STMN2: variants seen among roughly 807,000 people sequenced by gnomAD.
The protein encoded by STMN2 is stathmin 2.
STMN2 carries 2 observed loss-of-function variants against 24.1 expected under a neutral mutation model. That is an observed-to-expected ratio of 0.08 (90% CI 0.03 to 0.26). The LOEUF is 0.26. STMN2 is among the 10% of genes least tolerant of loss of function. The pLI, the probability that STMN2 is intolerant of heterozygous loss-of-function variation, is 1.00. For synonymous variants in STMN2, 83 were observed against 77.5 expected, an observed-to-expected ratio of 1.07 and a Z score of -0.37; for missense variants, 114 against 213.6, an observed-to-expected ratio of 0.53 and a Z score of 2.91.
Position 79,666,007 on chromosome 8 carries a change from A to G in STMN2, c.*1133A>G, listed in dbSNP as rs1333025782. On this transcript the variant is annotated 3_prime_UTR_variant, in exon 5 of 5. Coordinates refer to ENST00000220876, the MANE Select transcript of STMN2 (RefSeq NM_007029.4). Reference sequence around the variant, plus strand: ...AACTAAGAATCACCAGATACCCACCATAAGTACCTATCGCAGTTTTGAAGT... The same window carrying G: ...AACTAAGAATCACCAGATACCCACCGTAAGTACCTATCGCAGTTTTGAAGT... The G allele has an allele frequency of 2.6e-5, 4 of 152,226 alleles. No homozygotes were observed. Among genetic ancestry groups the G allele is most frequent in the East Asian group, 3.8e-4 (2 of 5,198 alleles). 9.4% of individuals were successfully genotyped at this position (152,226 alleles called of 1,614,324 possible).
intron 4 of STMN2, among the ~76,000 whole-genome samples, chr8:79,662,871 G>A (rs1806529767): frequency 6.6e-6 from 1 of 151,896 alleles, no homozygotes; most frequent in Non-Finnish European, 1.5e-5. Flanking sequence ...CTCAATTTTT[G>A]CCAGAGCTCA....
chr8:79,635,771 A>G (rs1160042389), intron 1 of STMN2, among the ~76,000 whole-genome samples: 1 of 152,142 alleles, frequency 6.6e-6, no homozygotes, highest in African/African-American at 2.4e-5. Context: ...GGAAGGAGAG[A>G]GGTTTGTAAA....
At chr8:79,628,167 T>C (rs1319500998) in intron 1 of STMN2, among the ~76,000 whole-genome samples, 2 of 151,978 alleles carry the variant, frequency 1.3e-5, no homozygotes, top group African/African-American at 4.8e-5. Context: ...TTTTATTTTT[T>C]ATTTTTTTTA....
At chr8:79,664,722 A>C in intron 4 of STMN2, 93 bp from the exon 5 acceptor site, 1 of 1,218,574 alleles carries the variant, frequency 8.2e-7, no homozygotes, top group East Asian at 2.8e-5. Flanking sequence ...AAAAGTAGAC[A>C]CCAAACTGGG....
chr8:79,632,845 C>G (rs1043585354), intron 1 of STMN2, among the ~76,000 whole-genome samples: 5 of 152,058 alleles, frequency 3.3e-5, no homozygotes, highest in African/African-American at 1.2e-4. Context: ...TAAATAACAA[C>G]AAAATGATAA....
chr8:79,618,151 T>C (rs1809426685), intron 1 of STMN2, among the ~76,000 whole-genome samples: 3 of 152,348 alleles, frequency 2.0e-5, no homozygotes, highest in Admixed American at 2.0e-4. Flanking sequence ...CCAGAGATGG[T>C]CTTCTCCTTT....
At chr8:79,614,882 A>C (rs1809347511) in intron 1 of STMN2, among the ~76,000 whole-genome samples, 1 of 152,212 alleles carries the variant, frequency 6.6e-6, no homozygotes, top group Non-Finnish European at 1.5e-5. Flanking sequence ...TTACTAATGG[A>C]TAGATGGTGG....
intron 3 of STMN2, among the ~76,000 whole-genome samples, chr8:79,648,024 C>T (rs1810253064): frequency 6.6e-6 from 1 of 152,230 alleles, no homozygotes; most frequent in Non-Finnish European, 1.5e-5. Flanking sequence ...AATTATTTCT[C>T]TTTACTCTCA....
intron 1 of STMN2, among the ~76,000 whole-genome samples, chr8:79,632,051 A>G (rs1809813282): frequency 6.6e-6 from 1 of 152,194 alleles, no homozygotes; most frequent in Non-Finnish European, 1.5e-5. Flanking sequence ...ATCCATTAGC[A>G]GAGAACCCTA....
intron 3 of STMN2, among the ~76,000 whole-genome samples, 174 bp downstream of exon 3, chr8:79,641,724 T>G (rs1393525380): frequency 6.6e-6 from 1 of 151,752 alleles, no homozygotes. Flanking sequence ...GTATAGGTTT[T>G]CAGTAGACAC....
intron 1 of STMN2, among the ~76,000 whole-genome samples, chr8:79,613,159 C>T (rs564328468): frequency 1.3e-5 from 2 of 152,224 alleles, no homozygotes; most frequent in South Asian, 2.1e-4. Flanking sequence ...AGCCCAAGCC[C>T]CCCGCCCACC....
chr8:79,641,797 G>A (rs1294011409), intron 3 of STMN2, among the ~76,000 whole-genome samples: 5 of 152,036 alleles, frequency 3.3e-5, no homozygotes, highest in Non-Finnish European at 1.5e-5. Context: ...AGCCAAACCA[G>A]AGCTCTCAGA....
At chr8:79,649,789 T>C (rs1293856435) in intron 3 of STMN2, among the ~76,000 whole-genome samples, 1 of 152,222 alleles carries the variant, frequency 6.6e-6, no homozygotes, top group Non-Finnish European at 1.5e-5. Flanking sequence ...GAGTTTTATG[T>C]ACTAGTTACT....
intron 1 of STMN2, among the ~76,000 whole-genome samples, chr8:79,624,729 T>C (rs1809612152): frequency 6.6e-6 from 1 of 152,114 alleles, no homozygotes; most frequent in Non-Finnish European, 1.5e-5. Flanking sequence ...TCAAGAAGGA[T>C]TTCTCAAATT....
rs188786411 is a variant in STMN2 at position 79,646,278 on chromosome 8, C to T, written c.288+4728C>T. On this transcript the variant is annotated intron_variant, in intron 3 of 4. Coordinates refer to ENST00000220876, the MANE Select transcript of STMN2 (RefSeq NM_007029.4). ...TATTTGGCAGGCCCTGTTCTAGACA[C>T]AGGGGATACTCATCAAACTTACATT... Among the ~76,000 whole-genome samples, 9 of 152,008 alleles carry T rather than the reference C, an allele frequency of 5.9e-5. No individual in the cohort carries two copies. The East Asian group carries it at 1.4e-3, about 23-fold the overall frequency.
chr8:79,665,319 A>C lies in STMN2; in HGVS notation c.*445A>C, dbSNP rs1416503003. ...ACCCACCATTGCCTAATGACCTAGA[A>C]GGCTTTGTTGTCTCTGAGCTTGACT... is the stretch of plus-strand genomic sequence containing the variant. On this transcript the variant is annotated 3_prime_UTR_variant, in exon 5 of 5. Transcript: ENST00000220876. 6.5e-6 allele frequency: 1 copy of C among 155,002 alleles called. No homozygotes were observed. Among genetic ancestry groups the C allele is most frequent in the East Asian group, 1.9e-4 (1 of 5,222 alleles). 9.6% of individuals were successfully genotyped at this position (155,002 alleles called of 1,614,324 possible). A position where few individuals can be genotyped will look rare whatever the true frequency, so the allele number is the denominator to read the frequency against.
intron 1 of STMN2, chr8:79,631,344 C>A: frequency 1.4e-6 from 1 of 721,024 alleles, no homozygotes; most frequent in Non-Finnish European, 1.7e-6. Flanking sequence ...GATATCCATT[C>A]CCATAGAAAA....
At chr8:79,624,496 A>G (rs1307675455) in intron 1 of STMN2, among the ~76,000 whole-genome samples, 1 of 151,502 alleles carries the variant, frequency 6.6e-6, no homozygotes, top group Non-Finnish European at 1.5e-5. Flanking sequence ...AGAAAGAAGG[A>G]AAAAAGTCAC....
intron 2 of STMN2, among the ~76,000 whole-genome samples, chr8:79,639,886 C>T (rs1810052996): frequency 1.3e-5 from 2 of 152,174 alleles, no homozygotes; most frequent in Admixed American, 6.5e-5. Flanking sequence ...TTGTTATTAA[C>T]AATAGTCAGC....
Sources: allele counts gnomAD v4.1 joint callset (sites outside exome capture counted in the v4.1 genomes callset), GRCh38; gene constraint gnomAD v4.1.1; transcripts MANE v1.5; gene names NCBI Gene and HGNC (gene_info 2026-07-23, HGNC 2026-07-21).